Variants in GABRG3 observed in about 807,000 individuals in gnomAD.
The protein encoded by GABRG3 is gamma-aminobutyric acid type A receptor subunit gamma3, also known as gamma-aminobutyric acid receptor subunit gamma-3.
GABRG3 carries 25 observed loss-of-function variants against 48.8 expected under a neutral mutation model. The observed-to-expected ratio is 0.51, with a 90% CI of 0.37 to 0.72. The LOEUF (loss-of-function observed/expected upper bound fraction) is 0.72. GABRG3 is among the 30% of genes least tolerant of loss of function. The probability of loss-of-function intolerance (pLI) is 0.00; values close to 1 mark genes in which losing one functional copy is unlikely to be tolerated. For missense variants in GABRG3, 394 were observed against 577.9 expected (o/e 0.68, Z 3.26); for synonymous variants, 227 against 217.6 (o/e 1.04, Z -0.38).
Position 27,503,291 on chromosome 15 carries a change from G to C in GABRG3, c.713-16681G>C, listed in dbSNP as rs989822409. 2.0e-5 allele frequency among the ~76,000 whole-genome samples: 3 copies of C among 152,100 alleles called. No homozygotes were observed. In the South Asian group the frequency reaches 6.2e-4, roughly 32 times the overall value. Reference sequence around the variant, plus strand: ...TTTCACAATGTTATAGTAATGCTTTGGGGAAAAGCGGACCACCACAACCAT... The same window carrying C: ...TTTCACAATGTTATAGTAATGCTTTCGGGAAAAGCGGACCACCACAACCAT... On this transcript the variant is annotated intron_variant, in intron 6 of 9. Transcript: ENST00000615808.
intron 2 of GABRG3, among the ~76,000 whole-genome samples, chr15:27,024,749 G>A (rs1419185912): frequency 2.0e-5 from 3 of 152,114 alleles, no homozygotes; most frequent in Non-Finnish European, 2.9e-5. Context: ...TCTACTGGCC[G>A]GGCACAGTGG....
rs895540493 is a variant in GABRG3, at chr15:27,326,666, A to G, written c.271-143A>G. 18 of 652,830 alleles carry G rather than the reference A, an allele frequency of 2.8e-5. No homozygotes were observed. In the African/African-American group the frequency reaches 3.3e-4, roughly 12 times the overall value. 40.4% of individuals were successfully genotyped at this position (652,830 alleles called of 1,614,324 possible). ...GGTCATCATTCACTGAGTGCTTGCC[A>G]TGTTGAACCAGTCTCTATCAGAAAG... On this transcript the variant is annotated intron_variant, in intron 3 of 9. Coordinates refer to ENST00000615808, the MANE Select transcript of GABRG3 (RefSeq NM_033223.5).
At chr15:27,322,015 G>A (rs1221437087) in intron 3 of GABRG3, among the ~76,000 whole-genome samples, 1 of 152,182 alleles carries the variant, frequency 6.6e-6, no homozygotes, top group African/African-American at 2.4e-5. Context: ...AGTTTCATCT[G>A]TTAGTATTTC....
rs558305264 is a variant in GABRG3, at chr15:27,441,961, C to T, written c.575-38689C>T. ...TGTGCAGATTTCCCAAATTATGTTG[C>T]CACAGACCCCTTTATAAAAAAGCAG... On this transcript the variant is annotated intron_variant, in intron 5 of 9. Transcript: ENST00000615808. Among the ~76,000 whole-genome samples the T allele has an allele frequency of 2.6e-5, 4 of 152,276 alleles. No individual in the cohort carries two copies. In the South Asian group the frequency reaches 8.3e-4, roughly 32 times the overall value.
chr15:27,283,504 T>G (rs1030830305), intron 3 of GABRG3, among the ~76,000 whole-genome samples: 1 of 152,192 alleles, frequency 6.6e-6, no homozygotes, highest in Non-Finnish European at 1.5e-5. Flanking sequence ...TCTGGGAGGC[T>G]GAGGCAGGAG....
At chr15:26,988,397 T>G (rs1277845215) in intron 2 of GABRG3, among the ~76,000 whole-genome samples, 2 of 152,222 alleles carry the variant, frequency 1.3e-5, no homozygotes, top group Admixed American at 6.5e-5. Flanking sequence ...AACGTCTTTA[T>G]ACCTAGCAAC....
chr15:27,359,964 G>T (rs1274161457), intron 5 of GABRG3, among the ~76,000 whole-genome samples: 1 of 152,136 alleles, frequency 6.6e-6, no homozygotes, highest in Non-Finnish European at 1.5e-5. Context: ...TGAACATGTG[G>T]TTTTTGAGTG....
In GABRG3 at chr15:26,974,183, G is replaced by C. The variant is rs555017809; in HGVS notation, c.53+2595G>C. ...CTACCCAACCAGGCTACACAGCTGG[G>C]GCCCTGATATGCCTCCCAAAGGGGT... is the stretch of plus-strand genomic sequence containing the variant. On this transcript the variant is annotated intron_variant, in intron 1 of 9. Transcript: ENST00000615808. This position sits in a 1 kb window ranked among gnomAD's most constrained non-coding sequence, Gnocchi z 4.3. 1.1e-4 allele frequency among the ~76,000 whole-genome samples: 16 copies of C among 152,080 alleles called. No individual in the cohort carries two copies. The highest frequency in any genetic ancestry group is 2.1e-4 in the Non-Finnish European group (14 of 68,022).
In GABRG3 at chr15:26,971,352, T is replaced by A; in HGVS notation, c.-184T>A. The A allele has an allele frequency of 2.8e-6, 1 of 363,620 alleles. No homozygotes were observed. Among genetic ancestry groups the A allele is most frequent in the Non-Finnish European group, 4.8e-6 (1 of 209,142 alleles). The allele number at this position is 363,620 out of a possible 1,614,324, so 22.5% of individuals were successfully genotyped here. ...CGCGCCGCGGTGGCCCGGCGTCCCGTGTGCGTCCAGTGTGCGCCCCGCGGG... is the reference window on the plus strand; with the variant it reads ...CGCGCCGCGGTGGCCCGGCGTCCCGAGTGCGTCCAGTGTGCGCCCCGCGGG... On this transcript the variant is annotated 5_prime_UTR_variant, in exon 1 of 10. Coordinates refer to ENST00000615808, the MANE Select transcript of GABRG3 (RefSeq NM_033223.5).
In GABRG3 at chr15:27,313,420, G is replaced by A. The variant is rs150125691; in HGVS notation, c.271-13389G>A. 5.7e-3 allele frequency among the ~76,000 whole-genome samples: 851 copies of A among 148,922 alleles called. 5 individuals are homozygous for A. Among genetic ancestry groups the A allele is most frequent in the African/African-American group, 0.02 (793 of 40,560 alleles). On this transcript the variant is annotated intron_variant, in intron 3 of 9. Coordinates refer to ENST00000615808, the MANE Select transcript of GABRG3 (RefSeq NM_033223.5). Reference sequence around the variant, plus strand: ...ACTTCAGCACCCCACTTTCAATACTGGATAGACCAACCAGACAGAAAATCA... The same window carrying A: ...ACTTCAGCACCCCACTTTCAATACTAGATAGACCAACCAGACAGAAAATCA...
intron 3 of GABRG3, among the ~76,000 whole-genome samples, chr15:27,233,647 G>C (rs1184251420): frequency 6.6e-6 from 1 of 152,098 alleles, no homozygotes; most frequent in Non-Finnish European, 1.5e-5. Flanking sequence ...CCATCACCTT[G>C]GGGAGTCGAC....
At chr15:27,280,036 T>G (rs1891384389) in intron 3 of GABRG3, among the ~76,000 whole-genome samples, 1 of 152,166 alleles carries the variant, frequency 6.6e-6, no homozygotes, top group Non-Finnish European at 1.5e-5. Flanking sequence ...TTATTTATAT[T>G]GCATTCCTGA....
chr15:27,173,548 T>A (rs1887640979), intron 3 of GABRG3, among the ~76,000 whole-genome samples: 1 of 152,092 alleles, frequency 6.6e-6, no homozygotes, highest in Non-Finnish European at 1.5e-5. Flanking sequence ...ACTTTTCCCT[T>A]ACCGTAACAC....
chr15:27,013,444 C>A (rs1389599002), intron 2 of GABRG3, among the ~76,000 whole-genome samples: 1 of 152,058 alleles, frequency 6.6e-6, no homozygotes, highest in Non-Finnish European at 1.5e-5. Flanking sequence ...GAAATTATTA[C>A]CAAATTCAAT....
intron 5 of GABRG3, among the ~76,000 whole-genome samples, chr15:27,445,759 G>A (rs1354024449): frequency 6.6e-6 from 1 of 152,038 alleles, no homozygotes; most frequent in Non-Finnish European, 1.5e-5. Context: ...ACTTATTGCT[G>A]TGTTTTCTTC....
intron 3 of GABRG3, among the ~76,000 whole-genome samples, chr15:27,061,431 A>G (rs1282335587): frequency 6.8e-6 from 1 of 147,398 alleles, no homozygotes; most frequent in Non-Finnish European, 1.5e-5. Flanking sequence ...ACAATGCTCC[A>G]TTGAGGTAAC....
At chr15:27,299,060 G>T (rs1034741588) in intron 3 of GABRG3, among the ~76,000 whole-genome samples, 12 of 152,152 alleles carry the variant, frequency 7.9e-5, no homozygotes, top group African/African-American at 2.9e-4. Context: ...AAGGCAGATG[G>T]ATCACCTGAG....
chr15:27,427,756 C>A (rs1888334091), intron 5 of GABRG3, among the ~76,000 whole-genome samples: 1 of 152,148 alleles, frequency 6.6e-6, no homozygotes, highest in Non-Finnish European at 1.5e-5. Context: ...TCATTTTTTT[C>A]TCTTCAGTAT....
At chr15:27,493,969 T>C (rs115352142) in intron 6 of GABRG3, among the ~76,000 whole-genome samples, 3,600 of 152,296 alleles carry the variant, frequency 0.024, 152 homozygotes, top group African/African-American at 0.083. Context: ...GATTGGATTT[T>C]ATCAGGAAGC....
Sources: allele counts gnomAD v4.1 joint callset (sites outside exome capture counted in the v4.1 genomes callset), GRCh38; gene constraint gnomAD v4.1.1; non-coding constraint Gnocchi (gnomAD v3.1); transcripts MANE v1.5; gene names NCBI Gene and HGNC (gene_info 2026-07-23, HGNC 2026-07-21).